The following MGAT5 variants were observed in gnomAD, a reference collection of about 807,000 sequenced individuals.
MGAT5 encodes alpha-1,6-mannosylglycoprotein 6-beta-N-acetylglucosaminyltransferase.
MGAT5 carries 30 observed loss-of-function variants against 94.3 expected under a neutral mutation model. That is an observed-to-expected ratio of 0.32 (90% CI 0.24 to 0.43). MGAT5 has a LOEUF of 0.43. Among genes scored for constraint, MGAT5 ranks in the 20% least tolerant of loss-of-function variants. The probability of loss-of-function intolerance (pLI) is 1.00; values close to 1 mark genes in which losing one functional copy is unlikely to be tolerated. For synonymous variants in MGAT5, 310 were observed against 322.9 expected (o/e 0.96, Z 0.43); for missense variants, 691 against 905.5 (o/e 0.76, Z 3.04).
chr2:134,314,089 G>A (rs1686858045), intron 2 of MGAT5, among the ~76,000 whole-genome samples: 1 of 152,186 alleles, frequency 6.6e-6, no homozygotes, highest in African/African-American at 2.4e-5. Flanking sequence ...TATGAGCTAT[G>A]GTGTGATGGA....
At chr2:134,323,669 G>C (rs1687464160) in intron 4 of MGAT5, among the ~76,000 whole-genome samples, 1 of 152,122 alleles carries the variant, frequency 6.6e-6, no homozygotes, top group African/African-American at 2.4e-5. Context: ...AAATCCACTT[G>C]TGATGGGAAA....
At chr2:134,306,940 C>T (rs2105850212) in intron 2 of MGAT5, among the ~76,000 whole-genome samples, 1 of 152,224 alleles carries the variant, frequency 6.6e-6, no homozygotes, top group South Asian at 2.1e-4. Context: ...GTGCTACTCT[C>T]TGCTGATACA....
rs931224307 is a variant in MGAT5, at chr2:134,446,156, G to A, written c.2028-2493G>A. 4.7e-4 allele frequency among the ~76,000 whole-genome samples: 71 copies of A among 152,132 alleles called. 1 individual carries two copies. Among genetic ancestry groups the A allele is most frequent in the African/African-American group, 1.6e-3 (65 of 41,498 alleles). On this transcript the variant is annotated intron_variant, in intron 15 of 15. Coordinates refer to ENST00000281923, the MANE Select transcript of MGAT5 (RefSeq NM_002410.5). ...AGCGTCTGCTGCTTGAGCACTCTGCGGCGGTCTCTGTGCATCACCCCAGGC... is the reference window on the plus strand; with the variant it reads ...AGCGTCTGCTGCTTGAGCACTCTGCAGCGGTCTCTGTGCATCACCCCAGGC...
At chr2:134,374,230 CACAT>C (rs1321090701) in intron 10 of MGAT5, among the ~76,000 whole-genome samples, 3 of 152,164 alleles carry the variant, frequency 2.0e-5, no homozygotes, top group Non-Finnish European at 2.9e-5. Flanking sequence ...TGGCTGTTTA[CACAT>C]ACACAAGTAT....
At chr2:134,241,044 T>G (rs1002006508) in intron 1 of MGAT5, among the ~76,000 whole-genome samples, 1 of 152,278 alleles carries the variant, frequency 6.6e-6, no homozygotes, top group Non-Finnish European at 1.5e-5. Flanking sequence ...GTACCAGTTT[T>G]ATTAGTGTAA....
At position 134,390,342 on chromosome 2, in the gene MGAT5, C is replaced by CTTTG. The variant is rs141225714; in HGVS notation, c.1381-12626_1381-12623dup. On this transcript the variant is annotated intron_variant, in intron 10 of 15. Coordinates refer to ENST00000281923, the MANE Select transcript of MGAT5 (RefSeq NM_002410.5). ...CAAAAACAAAATCCAACTTCAGTTA[C>CTTTG]TTTGTTTGTTTGTTTGTTTGTTTTT... Among the ~76,000 whole-genome samples the CTTTG allele has an allele frequency of 1.6e-3, 239 of 152,068 alleles. 2 individuals carry two copies. Among genetic ancestry groups the CTTTG allele is most frequent in the Non-Finnish European group, 2.1e-3 (143 of 68,002 alleles).
chr2:134,270,293 GAGA>G, intron 1 of MGAT5, 90 bp from the exon 2 acceptor site: 1 of 1,235,800 alleles, frequency 8.1e-7, no homozygotes, highest in South Asian at 1.5e-5. Context: ...AGAAACATTT[GAGA>G]AGTTTTGTTC....
intron 10 of MGAT5, among the ~76,000 whole-genome samples, chr2:134,383,767 G>A (rs1006003382): frequency 1.3e-5 from 2 of 151,004 alleles, no homozygotes; most frequent in Non-Finnish European, 1.5e-5. Context: ...GCAGTGGCAC[G>A]ATCTTGGCTC....
chr2:134,192,156 G>A (rs1679255178), intron 1 of MGAT5, among the ~76,000 whole-genome samples: 1 of 149,518 alleles, frequency 6.7e-6, no homozygotes, highest in Non-Finnish European at 1.5e-5. Flanking sequence ...CCCTCCTCGC[G>A]CTAGTGGGTT....
At chr2:134,272,943 C>T (rs1031116889) in intron 2 of MGAT5, among the ~76,000 whole-genome samples, 6 of 152,228 alleles carry the variant, frequency 3.9e-5, no homozygotes, top group African/African-American at 1.4e-4. Flanking sequence ...TTAAGGATTT[C>T]TCTGTCTCAG....
chr2:134,132,201 A>C lies in MGAT5; in HGVS notation c.-143+11910A>C, dbSNP rs143165897. Among the ~76,000 whole-genome samples, 251 of 152,346 alleles carry C rather than the reference A, an allele frequency of 1.6e-3. 2 individuals are homozygous for C. Among genetic ancestry groups the C allele is most frequent in the African/African-American group, 5.7e-3 (238 of 41,590 alleles). ...CTAATATTCTTTTAAGATTGTACTT[A>C]AGTTCAAGAACTTGGCCATTGTATC... On this transcript the variant is annotated intron_variant, in intron 1 of 16. Coordinates refer to the MGAT5 transcript ENST00000409645.
intron 6 of MGAT5, among the ~76,000 whole-genome samples, chr2:134,339,546 A>G (rs764044460): frequency 1.3e-5 from 2 of 152,220 alleles, no homozygotes; most frequent in Admixed American, 6.5e-5. Flanking sequence ...ACTGAACTGT[A>G]TACATTAAAA....
At chr2:134,157,975 T>C (rs1211619934) in intron 1 of MGAT5, among the ~76,000 whole-genome samples, 1 of 152,048 alleles carries the variant, frequency 6.6e-6, no homozygotes, top group Non-Finnish European at 1.5e-5. Flanking sequence ...AGACCCACAG[T>C]GGGTAGCTTG....
chr2:134,279,014 A>G (rs914337875), intron 2 of MGAT5, among the ~76,000 whole-genome samples: 28 of 152,110 alleles, frequency 1.8e-4, no homozygotes, highest in Admixed American at 1.5e-3. Context: ...AAGCTCCTCA[A>G]AGGCATGGGT....
intron 1 of MGAT5, among the ~76,000 whole-genome samples, chr2:134,256,701 T>A (rs1682982860): frequency 6.6e-6 from 1 of 152,216 alleles, no homozygotes; most frequent in South Asian, 2.1e-4. Flanking sequence ...TCATAAGACT[T>A]TGCATCTCAA....
chr2:134,192,320 A>G (rs1350478457), intron 1 of MGAT5, among the ~76,000 whole-genome samples: 1 of 152,270 alleles, frequency 6.6e-6, no homozygotes, highest in East Asian at 1.9e-4. Context: ...TGACTTGGCA[A>G]GAATGCCCTC....
chr2:134,340,981 T>C (rs1688591915), intron 6 of MGAT5, among the ~76,000 whole-genome samples: 1 of 152,180 alleles, frequency 6.6e-6, no homozygotes. Flanking sequence ...TACTAGGTTT[T>C]TTAGGGATAA....
intron 1 of MGAT5, among the ~76,000 whole-genome samples, chr2:134,173,664 C>T (rs1320091590): frequency 1.3e-5 from 2 of 152,172 alleles, no homozygotes; most frequent in Admixed American, 1.3e-4. Flanking sequence ...GGCCTCTTGG[C>T]GCTCTCAGGA....
intron 1 of MGAT5, among the ~76,000 whole-genome samples, chr2:134,177,144 C>CATGTGTGTGTGTGTGTGTGTGT (rs1553488519): frequency 7.0e-6 from 1 of 142,530 alleles, no homozygotes; most frequent in Non-Finnish European, 1.5e-5. Context: ...CAAATGAACC[C>CATGTGTGTGTGTGTGTGTGTGT]GTGTGTGTGT....
Sources: allele counts gnomAD v4.1 joint callset (sites outside exome capture counted in the v4.1 genomes callset), GRCh38; gene constraint gnomAD v4.1.1; transcripts MANE v1.5; gene names NCBI Gene and HGNC (gene_info 2026-07-23, HGNC 2026-07-21).